CAMK2B: variants seen among roughly 807,000 people sequenced by gnomAD.
The protein encoded by CAMK2B is calcium/calmodulin-dependent protein kinase type II subunit beta.
In CAMK2B, 27 loss-of-function variants were observed where a neutral mutation model predicts 93.7. That is an observed-to-expected ratio of 0.29 (90% CI 0.21 to 0.40). The LOEUF is 0.40. Among genes scored for constraint, CAMK2B ranks in the 10% least tolerant of loss-of-function variants. The pLI is 1.00. For missense variants in CAMK2B, 568 were observed against 895.8 expected (o/e 0.63, Z 4.67); for synonymous variants, 374 against 358.8 (o/e 1.04, Z -0.48).
chr7:44,289,374 T>G (rs1786090060), intron 1 of CAMK2B, among the ~76,000 whole-genome samples: 1 of 152,080 alleles, frequency 6.6e-6, no homozygotes. Flanking sequence ...AGGAAGGAAA[T>G]TTCGCCTTGC....
intron 11 of CAMK2B, among the ~76,000 whole-genome samples, chr7:44,241,497 A>G (rs548950212): frequency 8.3e-4 from 127 of 152,334 alleles, no homozygotes; most frequent in African/African-American, 2.8e-3. Context: ...AGGAGGAGCC[A>G]CACCTGGCCC....
At chr7:44,324,864 G>A (rs1410144316) in intron 1 of CAMK2B, among the ~76,000 whole-genome samples, 1 of 152,094 alleles carries the variant, frequency 6.6e-6, no homozygotes, top group African/African-American at 2.4e-5. Context: ...ATGGGGCCAC[G>A]CGCAGGAGCA....
chr7:44,252,632 A>G (rs1441747776), intron 5 of CAMK2B, among the ~76,000 whole-genome samples: 1 of 152,064 alleles, frequency 6.6e-6, no homozygotes, highest in African/African-American at 2.4e-5. Flanking sequence ...AGGAGGCCAC[A>G]TGCCCCCACC....
chr7:44,224,806 TATTTA>T lies in CAMK2B; in HGVS notation c.1597+1705_1597+1709del, dbSNP rs199635699. Among the ~76,000 whole-genome samples the T allele has an allele frequency of 0.014, 2,063 of 152,168 alleles. 56 individuals carry two copies. The highest frequency in any genetic ancestry group is 0.047 in the African/African-American group (1,938 of 41,510). Reference sequence around the variant, plus strand: ...TGAGGCGGGCCGTGGGCACCTGCCCTATTTACACAGCTGGTGGGTGCCTTCTGGAG... The same window carrying T: ...TGAGGCGGGCCGTGGGCACCTGCCCTCACAGCTGGTGGGTGCCTTCTGGAG... On this transcript the variant is annotated intron_variant, in intron 20 of 23. Coordinates refer to ENST00000395749, the MANE Select transcript of CAMK2B (RefSeq NM_001220.5). This position sits in a 1 kb window ranked among gnomAD's most constrained non-coding sequence, Gnocchi z 4.4.
intron 16 of CAMK2B, among the ~76,000 whole-genome samples, chr7:44,231,432 C>A (rs1279176820): frequency 1.3e-5 from 2 of 152,258 alleles, no homozygotes; most frequent in African/African-American, 4.8e-5. Flanking sequence ...GAGGGCTCCA[C>A]TTCTCCCAGC....
intron 2 of CAMK2B, among the ~76,000 whole-genome samples, chr7:44,264,914 C>A (rs1303645021): frequency 2.0e-5 from 3 of 152,130 alleles, no homozygotes; most frequent in African/African-American, 7.2e-5. Flanking sequence ...ACTGGACATA[C>A]CTGGGGAGGG....
At chr7:44,230,661 T>A (rs2096570444) in intron 17 of CAMK2B, among the ~76,000 whole-genome samples, 1 of 152,202 alleles carries the variant, frequency 6.6e-6, no homozygotes, top group African/African-American at 2.4e-5. Flanking sequence ...TTAAGGAGCT[T>A]TAAGACAAGG....
In CAMK2B at chr7:44,218,113, G is replaced by A. The variant is rs113150317; in HGVS notation, c.*1412C>T. On this transcript the variant is annotated 3_prime_UTR_variant, in exon 24 of 24. Coordinates refer to ENST00000395749, the MANE Select transcript of CAMK2B (RefSeq NM_001220.5). The stretch of plus-strand genomic sequence containing the variant: ...GCCCACCTAGAAGGTGCCCTCACAC[G>A]CACTGCAGCCCGCCAAGGCACTGGC... The A allele has an allele frequency of 9.2e-5, 14 of 152,740 alleles. No individual in the cohort carries two copies. The highest frequency in any genetic ancestry group is 2.6e-4 in the African/African-American group (11 of 41,560). 9.5% of individuals were successfully genotyped at this position (152,740 alleles called of 1,614,324 possible).
chr7:44,317,827 C>A (rs1347228719), intron 1 of CAMK2B, among the ~76,000 whole-genome samples: 2 of 152,104 alleles, frequency 1.3e-5, no homozygotes, highest in Non-Finnish European at 2.9e-5. Context: ...CCTAGGTGGG[C>A]TCTGAAAGAA....
At position 44,223,493 on chromosome 7, in the gene CAMK2B, C is replaced by G. The variant is rs376929507; in HGVS notation, c.1598-2592G>C. ...CCATTCCTGCCCCATTCCACCTGCC[C>G]AGCTCTAGGAAGGCACAGGGCTCTG... On this transcript the variant is annotated intron_variant, in intron 20 of 23. Coordinates refer to ENST00000395749, the MANE Select transcript of CAMK2B (RefSeq NM_001220.5). Among the ~76,000 whole-genome samples the G allele has an allele frequency of 4.6e-3, 700 of 152,290 alleles. 2 individuals are homozygous for G. Among genetic ancestry groups the G allele is most frequent in the Non-Finnish European group, 7.2e-3 (488 of 68,014 alleles).
At chr7:44,245,752 G>A (rs1460840481) in intron 6 of CAMK2B, among the ~76,000 whole-genome samples, 1 of 152,092 alleles carries the variant, frequency 6.6e-6, no homozygotes, top group Non-Finnish European at 1.5e-5. Flanking sequence ...TCTGCTCTTG[G>A]TGTGACACTC....
rs1562877782 is a variant in CAMK2B at position 44,243,532 on chromosome 7, A to G, written c.415-5T>C. On this transcript the variant is annotated splice_polypyrimidine_tract_variant and splice_region_variant and intron_variant, in intron 6 of 23. Transcript: ENST00000395749. ...GGCCAGAAGCAGGTTCTCCGGCTGC[A>G]GGGAGGTGACCGGCACAAGGGTGCA... The G allele has an allele frequency of 3.7e-6, 6 of 1,612,900 alleles. No homozygotes were observed. The highest frequency in any genetic ancestry group is 4.2e-6 in the Non-Finnish European group (5 of 1,179,150).
chr7:44,243,204 G>A (rs1245297525), intron 8 of CAMK2B, 46 bp downstream of exon 8: 9 of 1,459,098 alleles, frequency 6.2e-6, no homozygotes, highest in Non-Finnish European at 8.6e-6. Context: ...GGGAAGTCCT[G>A]AAACACCCGA....
chr7:44,315,778 A>C (rs4530946), intron 1 of CAMK2B, among the ~76,000 whole-genome samples: 6 of 152,026 alleles, frequency 3.9e-5, no homozygotes, highest in Non-Finnish European at 7.4e-5. Context: ...CAAGTCTTGT[A>C]CTTCTTTTAT....
chr7:44,282,707 G>A (rs1474909999), intron 2 of CAMK2B, among the ~76,000 whole-genome samples: 3 of 152,224 alleles, frequency 2.0e-5, no homozygotes, highest in East Asian at 1.9e-4. Flanking sequence ...CTCAAACAAC[G>A]CCGACACATC....
At chr7:44,315,834 T>C (rs868110153) in intron 1 of CAMK2B, among the ~76,000 whole-genome samples, 5 of 152,320 alleles carry the variant, frequency 3.3e-5, no homozygotes, top group African/African-American at 9.6e-5. Context: ...TATTGTAAAT[T>C]GTTTTTCCTA....
At chr7:44,292,410 A>G (rs1277637582) in intron 1 of CAMK2B, among the ~76,000 whole-genome samples, 1 of 152,182 alleles carries the variant, frequency 6.6e-6, no homozygotes, top group Non-Finnish European at 1.5e-5. Context: ...CCCAGGATGT[A>G]TGCTGAGTCC....
chr7:44,268,269 T>C (rs1222292649), intron 2 of CAMK2B: 2 of 152,528 alleles, frequency 1.3e-5, no homozygotes, highest in Non-Finnish European at 2.9e-5. Flanking sequence ...CCATTTGGTC[T>C]GCCTTCCCTG....
intron 1 of CAMK2B, among the ~76,000 whole-genome samples, chr7:44,304,330 T>C (rs1790871615): frequency 6.6e-6 from 1 of 152,206 alleles, no homozygotes; most frequent in African/African-American, 2.4e-5. Flanking sequence ...CTGTGAAAAC[T>C]TGGAAGGAAC....
Sources: gnomAD v4.1 joint callset for allele counts (sites outside exome capture counted in the v4.1 genomes callset) on GRCh38, gnomAD v4.1.1 for gene constraint, Gnocchi (gnomAD v3.1) non-coding constraint, MANE v1.5 for transcripts, NCBI Gene and HGNC (gene_info 2026-07-23, HGNC 2026-07-21) for gene names.